Variants in CABIN1 observed in about 807,000 individuals in gnomAD.
CABIN1 encodes calcineurin-binding protein cabin-1.
Under a neutral mutation model 227.7 loss-of-function variants are expected in CABIN1, and 133 were observed. That is an observed-to-expected ratio of 0.58 (90% CI 0.51 to 0.67). CABIN1 has a LOEUF of 0.67. CABIN1 is among the 30% of genes least tolerant of loss of function. The probability of loss-of-function intolerance (pLI) is 0.00; values close to 1 mark genes in which losing one functional copy is unlikely to be tolerated. For missense variants in CABIN1, 2,408 were observed against 2,852.5 expected (o/e 0.84, Z 3.55); for synonymous variants, 1,086 against 1,155.1 (o/e 0.94, Z 1.21).
intron 5 of CABIN1, 78 bp from the exon 6 acceptor site, chr22:24,042,826 G>GTC: frequency 1.9e-6 from 1 of 517,400 alleles, no homozygotes; most frequent in Non-Finnish European, 3.5e-6. Context: ...GACTGTGTGT[G>GTC]TGTGTGTGTG....
intron 22 of CABIN1, among the ~76,000 whole-genome samples, chr22:24,086,159 C>T (rs1033296939): frequency 6.6e-6 from 1 of 152,246 alleles, no homozygotes; most frequent in Non-Finnish European, 1.5e-5. Context: ...TGGCCGTCCT[C>T]TTGGGGTGAC....
chr22:24,159,342 C>G (rs538435243), intron 29 of CABIN1, among the ~76,000 whole-genome samples: 26 of 152,372 alleles, frequency 1.7e-4, no homozygotes, highest in African/African-American at 6.0e-4. Context: ...CAGTGCCTGA[C>G]CAGGCCGGGC....
chr22:24,049,240 A>G lies in CABIN1; in HGVS notation c.656+20A>G. The G allele has an allele frequency of 3.7e-6, 6 of 1,611,576 alleles. No homozygotes were observed. The highest frequency in any genetic ancestry group is 4.5e-5 in the East Asian group (2 of 44,844). On this transcript the variant is annotated intron_variant, in intron 7 of 36. Transcript: ENST00000263119. ...CAAATGGTAAGTCCTGCCTCTTCCC[A>G]TGCCATGTGTGCACGCTTACTGTGT...
At chr22:24,167,856 A>G (rs940574067) in intron 32 of CABIN1, among the ~76,000 whole-genome samples, 9 of 152,146 alleles carry the variant, frequency 5.9e-5, no homozygotes, top group Non-Finnish European at 1.5e-5. Flanking sequence ...GCCCCATATC[A>G]TATGGACCTT....
rs139777522 is a variant in CABIN1 at position 24,097,242 on chromosome 22, G to C, written c.3939-772G>C. 4.1e-4 allele frequency among the ~76,000 whole-genome samples: 63 copies of C among 152,300 alleles called. No individual in the cohort carries two copies. In the East Asian group the frequency reaches 6.4e-3, roughly 15 times the overall value. On this transcript the variant is annotated intron_variant, in intron 25 of 36. Transcript: ENST00000263119. ...TTTCTTGTTATAGAACATTCAGGTA[G>C]TATATAAACATGTAGACTAAAATGT...
At chr22:24,143,730 G>A (rs1055218964) in intron 29 of CABIN1, among the ~76,000 whole-genome samples, 1 of 152,174 alleles carries the variant, frequency 6.6e-6, no homozygotes, top group Non-Finnish European at 1.5e-5. Context: ...GCATGTCCGT[G>A]AGGCTTAGGT....
chr22:24,024,771 A>G (rs1224819983), intron 1 of CABIN1, among the ~76,000 whole-genome samples: 1 of 152,014 alleles, frequency 6.6e-6, no homozygotes, highest in African/African-American at 2.4e-5. Flanking sequence ...TTCGCTGACC[A>G]TTTATTTCGC....
intron 1 of CABIN1, among the ~76,000 whole-genome samples, chr22:24,012,290 T>C (rs77405679): frequency 0.01 from 1,586 of 152,338 alleles, 24 homozygotes; most frequent in African/African-American, 0.035. Context: ...TTTAATTTTA[T>C]ATATTGTTAA....
rs57766751 is a variant in CABIN1, at chr22:24,068,956, AG to A, written c.2232+1782del. Among the ~76,000 whole-genome samples, 162 of 152,274 alleles carry A rather than the reference AG, an allele frequency of 1.1e-3. 1 individual carries two copies. In the East Asian group the frequency reaches 0.022, roughly 21 times the overall value. On this transcript the variant is annotated intron_variant, in intron 16 of 36. Coordinates refer to ENST00000263119, the MANE Select transcript of CABIN1 (RefSeq NM_012295.4). ...TGCTCTGAGGGACCCCATGTTCTCGAGGGGGGGCAGACAAGAGACCCATCAA... is the reference window on the plus strand; with the variant it reads ...TGCTCTGAGGGACCCCATGTTCTCGAGGGGGGCAGACAAGAGACCCATCAA...
chr22:24,151,658 C>A (rs1487112791), intron 29 of CABIN1, among the ~76,000 whole-genome samples: 1 of 152,110 alleles, frequency 6.6e-6, no homozygotes, highest in Non-Finnish European at 1.5e-5. Flanking sequence ...TCCATCAGAT[C>A]ACACTTCAGG....
rs1304017807 is a variant in CABIN1 at position 24,171,836 on chromosome 22, G to A, written c.5881G>A (p.Asp1961Asn). 2 of 1,614,012 alleles carry A rather than the reference G, an allele frequency of 1.2e-6. No individual in the cohort carries two copies. The highest frequency in any genetic ancestry group is 1.3e-5 in the African/African-American group (1 of 74,954). Reference protein sequence around the residue: ...VPADSVQRPSDAHTKPRPALA... With the variant: ...VPADSVQRPSNAHTKPRPALA... ...AGCTGACTCTGTCCAGCGGCCCAGT[G>A]ATGCTCACACCAAGCCTCGCCCTGC... is the stretch of plus-strand genomic sequence containing the variant. Residue 1961 changes from aspartate to asparagine, a missense_variant, in exon 34 of 37, where the codon GAT (aspartate) becomes AAT (asparagine). This residue lies in a region of CABIN1 where 714 missense variants were observed against 773.8 expected (regional missense o/e 0.92). Coordinates refer to ENST00000263119, the MANE Select transcript of CABIN1 (RefSeq NM_012295.4).
chr22:24,069,535 A>G (rs984181967), intron 16 of CABIN1, among the ~76,000 whole-genome samples: 1 of 152,208 alleles, frequency 6.6e-6, no homozygotes, highest in African/African-American at 2.4e-5. Flanking sequence ...CCTGACTTTC[A>G]CAATGACTCT....
intron 33 of CABIN1, among the ~76,000 whole-genome samples, chr22:24,170,482 C>T (rs949367147): frequency 3.9e-5 from 6 of 152,180 alleles, no homozygotes; most frequent in South Asian, 4.1e-4. Context: ...TGTCTGCTCA[C>T]GCTGCCAGCT....
At position 24,084,992 on chromosome 22, in the gene CABIN1, C is replaced by T. The variant is rs1490891502; in HGVS notation, c.3118-14C>T. The T allele has an allele frequency of 6.2e-7, 1 of 1,614,112 alleles. No individual in the cohort carries two copies. Among genetic ancestry groups the T allele is most frequent in the East Asian group, 2.2e-5 (1 of 44,906 alleles). The stretch of plus-strand genomic sequence containing the variant: ...GACTCCACCTCCCCTCATACTTTTC[C>T]TCTCACCTGCCAGGTACCCTGCCTC... On this transcript the variant is annotated splice_polypyrimidine_tract_variant and intron_variant, in intron 21 of 36. Transcript: ENST00000263119.
chr22:24,116,148 TGC>T (rs1452177758), intron 27 of CABIN1, among the ~76,000 whole-genome samples: 5 of 152,096 alleles, frequency 3.3e-5, no homozygotes, highest in Admixed American at 1.3e-4. Flanking sequence ...AAGTGACTGT[TGC>T]AGCTAGCGGA....
chr22:24,141,854 C>A (rs1464751704), intron 29 of CABIN1, among the ~76,000 whole-genome samples: 2 of 152,296 alleles, frequency 1.3e-5, no homozygotes, highest in Non-Finnish European at 2.9e-5. Context: ...CATGAGCTGT[C>A]TTTGTTTCTT....
chr22:24,161,951 C>G (rs1306849822), intron 29 of CABIN1: 1 of 152,264 alleles, frequency 6.6e-6, no homozygotes, highest in African/African-American at 2.4e-5. Context: ...GTTAGAGGGA[C>G]AGTGGAGGGA....
chr22:24,063,875 C>T (rs1426512329), intron 14 of CABIN1, among the ~76,000 whole-genome samples, 160 bp from the exon 15 acceptor site: 1 of 152,164 alleles, frequency 6.6e-6, no homozygotes, highest in East Asian at 1.9e-4. Context: ...TTATTGAGCC[C>T]AAGCTACATG....
chr22:24,051,766 C>A (rs879919029), intron 8 of CABIN1, among the ~76,000 whole-genome samples: 13 of 151,968 alleles, frequency 8.6e-5, no homozygotes, highest in Non-Finnish European at 1.8e-4. Context: ...TCCCTAGCAA[C>A]GGGGAGAGCA....
Sources: gnomAD v4.1 joint callset for allele counts (sites outside exome capture counted in the v4.1 genomes callset) on GRCh38, gnomAD v4.1.1 for gene constraint, gnomAD v4.1.1 regional missense constraint, MANE v1.5 for transcripts, NCBI Gene and HGNC (gene_info 2026-07-23, HGNC 2026-07-21) for gene names.